The following RBFOX3 variants were observed in gnomAD, a reference collection of about 807,000 sequenced individuals.
RBFOX3 encodes the protein RNA binding protein fox-1 homolog 3.
A neutral mutation model predicts 48.7 loss-of-function variants in RBFOX3; 17 were observed. The observed-to-expected ratio is 0.35, with a 90% confidence interval of 0.24 to 0.52. The LOEUF is 0.52. RBFOX3 is among the 20% of genes least tolerant of loss of function. The pLI is 0.94. For missense variants in RBFOX3, 382 were observed against 497.5 expected (o/e 0.77, Z 2.21); for synonymous variants, 212 against 209.5 (o/e 1.01, Z -0.10).
intron 2 of RBFOX3, among the ~76,000 whole-genome samples, chr17:79,333,006 A>AAG (rs141695677): frequency 1.6e-4 from 23 of 143,956 alleles, no homozygotes; most frequent in African/African-American, 5.9e-4. Flanking sequence ...GAAACAGAGG[A>AAG]AGAGAGAGAG....
At chr17:79,222,943 G>A (rs2059905568) in intron 4 of RBFOX3, among the ~76,000 whole-genome samples, 1 of 152,198 alleles carries the variant, frequency 6.6e-6, no homozygotes, top group Admixed American at 6.5e-5. Flanking sequence ...GGTCTGTGAT[G>A]ACAGTGGTGA....
At chr17:79,106,906 C>A in intron 5 of RBFOX3, 118 bp from the exon 6 acceptor site, 1 of 1,311,200 alleles carries the variant, frequency 7.6e-7, no homozygotes, top group Non-Finnish European at 1.0e-6. Flanking sequence ...TGGGCCTCTC[C>A]CCCATCCCTG....
intron 2 of RBFOX3, among the ~76,000 whole-genome samples, chr17:79,464,877 C>T (rs1488105345): frequency 6.6e-6 from 1 of 152,214 alleles, no homozygotes; most frequent in Non-Finnish European, 1.5e-5. Context: ...AGTCCTCAGT[C>T]CCTGCAGAAG....
intron 2 of RBFOX3, among the ~76,000 whole-genome samples, chr17:79,411,099 C>G (rs1189754026): frequency 6.6e-6 from 1 of 152,220 alleles, no homozygotes; most frequent in African/African-American, 2.4e-5. Context: ...CAGGAACCAC[C>G]TTGAGCACAT....
At chr17:79,607,460 G>A (rs1375668798) in intron 1 of RBFOX3, among the ~76,000 whole-genome samples, 2 of 152,042 alleles carry the variant, frequency 1.3e-5, no homozygotes, top group East Asian at 1.9e-4. Context: ...TTGCAGTTTC[G>A]CGTTCAGCAC....
intron 10 of RBFOX3, 29 bp downstream of exon 10, chr17:79,097,663 T>TGCCAACCCCCCC: frequency 7.2e-7 from 1 of 1,384,076 alleles, no homozygotes; most frequent in Non-Finnish European, 9.8e-7. Flanking sequence ...GCTGGTCTCA[T>TGCCAACCCCCCC]CCCATCCCCG....
chr17:79,491,274 C>G lies in RBFOX3; in HGVS notation c.-319-8676G>C, dbSNP rs367651332. Reference sequence around the variant, plus strand: ...TGCAAATAATAGAGGAAGTTTAGGACTAGGGGTAGCAGGAGATGAGACCAG... The same window carrying G: ...TGCAAATAATAGAGGAAGTTTAGGAGTAGGGGTAGCAGGAGATGAGACCAG... On this transcript the variant is annotated intron_variant, in intron 1 of 14. Transcript: ENST00000693108. Among the ~76,000 whole-genome samples the G allele has an allele frequency of 2.3e-4, 35 of 150,712 alleles. 1 individual carries two copies. The East Asian group carries it at 3.3e-3, about 14-fold the overall frequency.
At chr17:79,653,028 GA>G in the RBFOX3 span, among the ~76,000 whole-genome samples, 12 of 151,812 alleles carry the variant, frequency 7.9e-5, no homozygotes, top group Middle Eastern at 3.4e-3. Context: ...AATTTAGTGG[GA>G]AAAAAAATGC....
chr17:79,263,171 G>A (rs1444013507), intron 3 of RBFOX3, among the ~76,000 whole-genome samples: 1 of 152,204 alleles, frequency 6.6e-6, no homozygotes, highest in African/African-American at 2.4e-5. Context: ...GTACCCCCCC[G>A]GCTGTGCTGC....
chr17:79,232,618 T>C (rs2061167730), intron 4 of RBFOX3, among the ~76,000 whole-genome samples: 1 of 152,208 alleles, frequency 6.6e-6, no homozygotes, highest in Non-Finnish European at 1.5e-5. Context: ...GCTTGCCCCA[T>C]GCACAAAAGC....
At position 79,090,777 on chromosome 17, in the gene RBFOX3, T is replaced by C; in HGVS notation, c.*106A>G. On this transcript the variant is annotated 3_prime_UTR_variant, in exon 15 of 15. Coordinates refer to ENST00000693108, the MANE Select transcript of RBFOX3 (RefSeq NM_001350451.2). ...GCCTCTTGGTTTGGTTGGTTTTTTTTTTGTTGCTTGGATCTTAACATCTTT... is the reference window on the plus strand; with the variant it reads ...GCCTCTTGGTTTGGTTGGTTTTTTTCTTGTTGCTTGGATCTTAACATCTTT... 7.3e-7 allele frequency: 1 copy of C among 1,362,934 alleles called. No individual in the cohort carries two copies. Among genetic ancestry groups the C allele is most frequent in the Non-Finnish European group, 9.9e-7 (1 of 1,010,410 alleles). 84.4% of individuals were successfully genotyped at this position (1,362,934 alleles called of 1,614,324 possible).
chr17:79,152,667 G>A (rs1356761558), intron 4 of RBFOX3, among the ~76,000 whole-genome samples: 1 of 152,198 alleles, frequency 6.6e-6, no homozygotes, highest in Non-Finnish European at 1.5e-5. Context: ...GAAAGAGAGG[G>A]AAAGAACAAT....
intron 3 of RBFOX3, among the ~76,000 whole-genome samples, chr17:79,306,153 CA>C (rs1568011690): frequency 6.6e-6 from 1 of 152,256 alleles, no homozygotes. Flanking sequence ...GCGGCTGCTG[CA>C]GCCAGATAAC....
intron 4 of RBFOX3, among the ~76,000 whole-genome samples, chr17:79,153,597 G>A (rs1295022179): frequency 6.6e-6 from 1 of 152,202 alleles, no homozygotes; most frequent in Non-Finnish European, 1.5e-5. Flanking sequence ...ACAGCACTGA[G>A]AACACCAAGC....
At chr17:79,194,302 C>G (rs774138340) in intron 4 of RBFOX3, among the ~76,000 whole-genome samples, 1 of 152,120 alleles carries the variant, frequency 6.6e-6, no homozygotes, top group Non-Finnish European at 1.5e-5. Flanking sequence ...TGCCAGGAAT[C>G]TAGGTACAAA....
At chr17:79,636,418 T>G in the RBFOX3 span, among the ~76,000 whole-genome samples, 1 of 152,192 alleles carries the variant, frequency 6.6e-6, no homozygotes, top group East Asian at 1.9e-4. Flanking sequence ...AGTTTTCATT[T>G]TTTAACTTTT....
intron 2 of RBFOX3, among the ~76,000 whole-genome samples, chr17:79,410,429 G>A (rs1568200300): frequency 6.6e-6 from 1 of 152,144 alleles, no homozygotes; most frequent in Non-Finnish European, 1.5e-5. Flanking sequence ...GCAGCTGTGA[G>A]GGGATTTTGC....
At chr17:79,515,652 C>T (rs1487054037) in intron 1 of RBFOX3, among the ~76,000 whole-genome samples, 2 of 152,182 alleles carry the variant, frequency 1.3e-5, no homozygotes, top group African/African-American at 4.8e-5. Flanking sequence ...CAACCCAATG[C>T]CACCTCCCAC....
chr17:79,185,075 A>G (rs1304229738), intron 4 of RBFOX3, among the ~76,000 whole-genome samples: 2 of 151,672 alleles, frequency 1.3e-5, no homozygotes, highest in Non-Finnish European at 2.9e-5. Flanking sequence ...GGCACCTGGG[A>G]CCATTCTCTC....
Sources: allele counts gnomAD v4.1 joint callset (sites outside exome capture counted in the v4.1 genomes callset), GRCh38; gene constraint gnomAD v4.1.1; transcripts MANE v1.5; gene names NCBI Gene and HGNC (gene_info 2026-07-23, HGNC 2026-07-21).